NRXN1: variants seen among roughly 807,000 people sequenced by gnomAD.
NRXN1 encodes neurexin 1.
Under a neutral mutation model 150.9 loss-of-function variants are expected in NRXN1, and 39 were observed. The ratio of observed to expected loss-of-function variants is 0.26; its 90% CI spans 0.20 to 0.34. NRXN1 has a LOEUF of 0.34. Ranked by LOEUF, NRXN1 falls within the 10% of genes least tolerant of loss-of-function variation. NRXN1 has a pLI of 1.00. For synonymous variants in NRXN1, 924 were observed against 757.0 expected (o/e 1.22, Z -3.62); for missense variants, 1,815 against 1,949.9 (o/e 0.93, Z 1.30).
chr2:50,136,741 T>G (rs147678402), intron 18 of NRXN1, among the ~76,000 whole-genome samples: 1 of 152,242 alleles, frequency 6.6e-6, no homozygotes, highest in African/African-American at 2.4e-5. Context: ...CTGTTTTTAC[T>G]AACCAAAATC....
At chr2:50,070,141 C>T (rs1047903723) in intron 19 of NRXN1, among the ~76,000 whole-genome samples, 5 of 151,840 alleles carry the variant, frequency 3.3e-5, no homozygotes, top group Admixed American at 6.6e-5. Flanking sequence ...TGAGCCACTG[C>T]GCCTGGCCGA....
At chr2:50,289,946 C>G (rs1438541709) in intron 17 of NRXN1, among the ~76,000 whole-genome samples, 1 of 152,056 alleles carries the variant, frequency 6.6e-6, no homozygotes, top group African/African-American at 2.4e-5. Flanking sequence ...TTTCCTGAGA[C>G]AACCCAGTTA....
intron 5 of NRXN1, chr2:50,919,564 C>T (rs1346186924): frequency 1.3e-5 from 2 of 151,340 alleles, no homozygotes; most frequent in African/African-American, 4.8e-5. Context: ...TCACTACTCA[C>T]ACAAGAGAAA....
chr2:50,349,289 C>T (rs985510834), intron 17 of NRXN1, among the ~76,000 whole-genome samples: 1 of 152,236 alleles, frequency 6.6e-6, no homozygotes, highest in Non-Finnish European at 1.5e-5. Flanking sequence ...CCAGCAGACG[C>T]AAAATCTATC....
At chr2:50,889,784 A>G (rs890490146) in intron 5 of NRXN1, among the ~76,000 whole-genome samples, 4 of 151,670 alleles carry the variant, frequency 2.6e-5, no homozygotes, top group African/African-American at 9.7e-5. Context: ...ATGTTATAAA[A>G]CAAATTTTAT....
At chr2:50,129,924 A>G (rs944642237) in intron 18 of NRXN1, among the ~76,000 whole-genome samples, 6 of 152,244 alleles carry the variant, frequency 3.9e-5, no homozygotes, top group Non-Finnish European at 8.8e-5. Flanking sequence ...GAAGCTAAAT[A>G]TAATTTATAT....
At chr2:50,302,303 G>C (rs970697724) in intron 17 of NRXN1, among the ~76,000 whole-genome samples, 1 of 152,030 alleles carries the variant, frequency 6.6e-6, no homozygotes, top group African/African-American at 2.4e-5. Context: ...CTTTGCTTTA[G>C]ATAACTTTAA....
chr2:50,570,748 A>ATC (rs1425398306), intron 8 of NRXN1, among the ~76,000 whole-genome samples: 26 of 152,244 alleles, frequency 1.7e-4, no homozygotes, highest in African/African-American at 6.0e-4. Flanking sequence ...TGTTATATAT[A>ATC]TATAACATAG....
At chr2:50,641,247 T>G (rs992385575) in intron 5 of NRXN1, among the ~76,000 whole-genome samples, 1 of 152,106 alleles carries the variant, frequency 6.6e-6, no homozygotes, top group Non-Finnish European at 1.5e-5. Context: ...CTTTAATACA[T>G]TTTTGCTTGT....
chr2:50,099,280 T>C (rs986588132), intron 18 of NRXN1, among the ~76,000 whole-genome samples: 1 of 152,166 alleles, frequency 6.6e-6, no homozygotes, highest in Non-Finnish European at 1.5e-5. Flanking sequence ...AAGCCTGGTG[T>C]ATTCCTCATT....
At chr2:50,635,742 T>C (rs1160924308) in intron 5 of NRXN1, among the ~76,000 whole-genome samples, 1 of 152,218 alleles carries the variant, frequency 6.6e-6, no homozygotes, top group Non-Finnish European at 1.5e-5. Context: ...TGCTGACCTA[T>C]CCGTCACTGC....
At chr2:50,353,563 T>C (rs2078574912) in intron 17 of NRXN1, among the ~76,000 whole-genome samples, 1 of 152,266 alleles carries the variant, frequency 6.6e-6, no homozygotes, top group East Asian at 1.9e-4. Context: ...TGGAAAATGA[T>C]TATAACGCTA....
intron 18 of NRXN1, among the ~76,000 whole-genome samples, chr2:50,180,952 A>C (rs2152810695): frequency 6.6e-6 from 1 of 152,178 alleles, no homozygotes; most frequent in African/African-American, 2.4e-5. Context: ...CATTATTTTT[A>C]ACTTTTGGGT....
rs144767993 is a variant in NRXN1 at position 50,630,038 on chromosome 2, T to C, written c.833-6423A>G. Among the ~76,000 whole-genome samples, 722 of 151,726 alleles carry C rather than the reference T, an allele frequency of 4.8e-3. 8 individuals carry two copies. The highest frequency in any genetic ancestry group is 0.017 in the African/African-American group (689 of 41,508). ...GCATCTTTCCAATAGTCTACAACAA[T>C]TGATTTTATGTTGCCACACAGTTGG... On this transcript the variant is annotated intron_variant, in intron 5 of 22. Transcript: ENST00000401669.
chr2:50,554,498 AAAT>A (rs1380309713), intron 8 of NRXN1: 1 of 152,204 alleles, frequency 6.6e-6, no homozygotes, highest in Non-Finnish European at 1.5e-5. Context: ...CCTGAAAGGA[AAAT>A]AATACTTCAC....
At chr2:50,926,002 A>C (rs1366989588) in intron 2 of NRXN1, 47 bp from the exon 3 acceptor site, 30 of 1,510,140 alleles carry the variant, frequency 2.0e-5, no homozygotes, top group Non-Finnish European at 2.7e-5. Flanking sequence ...AACATTCATT[A>C]AGCAGCATGC....
chr2:50,945,937 GTAT>G (rs538118636), intron 2 of NRXN1, among the ~76,000 whole-genome samples: 27 of 145,788 alleles, frequency 1.9e-4, no homozygotes, highest in South Asian at 4.3e-4. Context: ...TACTTGTAAA[GTAT>G]TATTATTATT....
In NRXN1 at chr2:51,027,861, A is replaced by T. The variant is rs929716355; in HGVS notation, c.413T>A (p.Val138Glu). 3 of 1,612,918 alleles carry T rather than the reference A, an allele frequency of 1.9e-6. No individual in the cohort carries two copies. Among genetic ancestry groups the T allele is most frequent in the East Asian group, 4.5e-5 (2 of 44,810 alleles). ...LFIDQVEAKW[V>E]EVKSKRRDMT... ...GTCCCTGCGCTTGGACTTGACCTCCACCCACTTGGCCTCCACCTGGTCGAT... is the reference window on the plus strand; with the variant it reads ...GTCCCTGCGCTTGGACTTGACCTCCTCCCACTTGGCCTCCACCTGGTCGAT... Residue 138 changes from valine (V) to glutamate (E), a missense_variant, in exon 2 of 23, where the codon GTG becomes GAG. Coordinates refer to ENST00000401669, the MANE Select transcript of NRXN1 (RefSeq NM_001330078.2).
intron 12 of NRXN1, 120 bp from the exon 13 acceptor site, chr2:50,506,737 G>A: frequency 5.1e-6 from 5 of 974,610 alleles, no homozygotes; most frequent in Non-Finnish European, 7.4e-6. Context: ...AGAGAAAGAA[G>A]AAAGGAAGAA....
Sources: gnomAD v4.1 joint callset for allele counts (sites outside exome capture counted in the v4.1 genomes callset) on GRCh38, gnomAD v4.1.1 for gene constraint, MANE v1.5 for transcripts, NCBI Gene and HGNC (gene_info 2026-07-23, HGNC 2026-07-21) for gene names.